DDHD1: variants seen among roughly 807,000 people sequenced by gnomAD.
DDHD1 encodes DDHD domain containing 1, also known as phospholipase DDHD1.
Under a neutral mutation model 96.4 loss-of-function variants are expected in DDHD1, and 49 were observed. The ratio of observed to expected loss-of-function variants is 0.51; its 90% CI spans 0.40 to 0.64. The LOEUF (loss-of-function observed/expected upper bound fraction) is 0.64. Among genes scored for constraint, DDHD1 ranks in the 30% least tolerant of loss-of-function variants. The pLI is 0.00. For synonymous variants in DDHD1, 442 were observed against 446.5 expected (o/e 0.99, Z 0.13); for missense variants, 1,106 against 1,161.2 (o/e 0.95, Z 0.69).
chr14:53,068,243 C>CTTTTTTTTTT (rs55662153), intron 6 of DDHD1, among the ~76,000 whole-genome samples: 7 of 104,442 alleles, frequency 6.7e-5, no homozygotes, highest in Non-Finnish European at 8.9e-5. Context: ...CTTTATGATA[C>CTTTTTTTTTT]TTTTTTTTTT....
intron 4 of DDHD1, among the ~76,000 whole-genome samples, chr14:53,076,895 T>C (rs1272657483): frequency 1.3e-5 from 2 of 152,238 alleles, no homozygotes; most frequent in Admixed American, 6.5e-5. Context: ...AAAGACATTA[T>C]GCTATCACAT....
At chr14:53,077,261 G>C (rs745828077) in intron 4 of DDHD1, among the ~76,000 whole-genome samples, 5 of 152,166 alleles carry the variant, frequency 3.3e-5, no homozygotes, top group African/African-American at 4.8e-5. Flanking sequence ...AGCAGTTACT[G>C]ATGATCATTG....
At chr14:53,080,129 G>A (rs1226308392) in intron 4 of DDHD1, among the ~76,000 whole-genome samples, 3 of 152,220 alleles carry the variant, frequency 2.0e-5, no homozygotes, top group Non-Finnish European at 2.9e-5. Context: ...GGAGGCCAAG[G>A]CAGGCAGATC....
chr14:53,051,999 G>T, intron 11 of DDHD1, 72 bp from the exon 12 acceptor site: 3 of 1,099,594 alleles, frequency 2.7e-6, no homozygotes, highest in Non-Finnish European at 4.0e-6. Flanking sequence ...TGATGTAGTG[G>T]CCAAAAGTTA....
Position 53,040,789 on chromosome 14 carries a change from T to A in DDHD1, c.*5979A>T, listed in dbSNP as rs913879632. The A allele has an allele frequency of 6.6e-6, 1 of 151,676 alleles. No homozygotes were observed. Among genetic ancestry groups the A allele is most frequent in the East Asian group, 1.9e-4 (1 of 5,172 alleles). 9.4% of individuals were successfully genotyped at this position (151,676 alleles called of 1,614,324 possible). A position where few individuals can be genotyped will look rare whatever the true frequency, so the allele number is the denominator to read the frequency against. On this transcript the variant is annotated 3_prime_UTR_variant, in exon 13 of 13. Coordinates refer to ENST00000673822, the MANE Select transcript of DDHD1 (RefSeq NM_001160148.2). The stretch of plus-strand genomic sequence containing the variant: ...AAAGAAAAAGCCTGCCTTCAAAGAG[T>A]TGTGATTGCAGTCATTGACAACATT...
chr14:53,062,398 G>A (rs1361178136), intron 7 of DDHD1, among the ~76,000 whole-genome samples: 2 of 152,090 alleles, frequency 1.3e-5, no homozygotes, highest in Non-Finnish European at 2.9e-5. Context: ...TGTAACTAGA[G>A]ATGAAGATAG....
chr14:53,123,866 T>G (rs1889210447), intron 1 of DDHD1, among the ~76,000 whole-genome samples: 1 of 152,174 alleles, frequency 6.6e-6, no homozygotes, highest in Admixed American at 6.5e-5. Context: ...TTTTTTTACA[T>G]GTTTGAAATA....
intron 4 of DDHD1, among the ~76,000 whole-genome samples, chr14:53,082,291 T>C (rs1167960306): frequency 6.6e-6 from 1 of 152,104 alleles, no homozygotes; most frequent in Non-Finnish European, 1.5e-5. Context: ...GATCATTAAA[T>C]AGCTGTAAAA....
chr14:53,046,962 G>T lies in DDHD1; in HGVS notation c.2522-13C>A, dbSNP rs371586111. 4.4e-6 allele frequency: 7 copies of T among 1,589,882 alleles called. No individual in the cohort carries two copies. The highest frequency in any genetic ancestry group is 5.1e-6 in the Non-Finnish European group (6 of 1,169,302). On this transcript the variant is annotated splice_polypyrimidine_tract_variant and intron_variant, in intron 12 of 12. Coordinates refer to ENST00000673822, the MANE Select transcript of DDHD1 (RefSeq NM_001160148.2). ...TGATCCAACTCCACTAAAAAGAAAA[G>T]AAGTTAAACAAATGAATACAGATTA...
intron 8 of DDHD1, among the ~76,000 whole-genome samples, chr14:53,060,706 G>C (rs1336380214): frequency 6.6e-6 from 1 of 152,102 alleles, no homozygotes; most frequent in Non-Finnish European, 1.5e-5. Context: ...GATGTTTCTT[G>C]AGGTATATGA....
chr14:53,129,616 G>T (rs771260387), intron 1 of DDHD1, among the ~76,000 whole-genome samples: 12 of 152,184 alleles, frequency 7.9e-5, no homozygotes, highest in East Asian at 1.9e-4. Context: ...TTCCCTGGGA[G>T]GCAAGCACCA....
At chr14:53,065,114 T>C (rs1430402848) in intron 6 of DDHD1, among the ~76,000 whole-genome samples, 2 of 152,176 alleles carry the variant, frequency 1.3e-5, no homozygotes, top group African/African-American at 2.4e-5. Flanking sequence ...CAGTAAGCAC[T>C]GGATAGCTTT....
chr14:53,103,924 C>T (rs1887500025), intron 1 of DDHD1, 68 bp from the exon 2 acceptor site: 1 of 1,415,660 alleles, frequency 7.1e-7, no homozygotes, highest in Non-Finnish European at 9.4e-7. Flanking sequence ...GACACAGTAT[C>T]TACAATCTTA....
intron 6 of DDHD1, among the ~76,000 whole-genome samples, chr14:53,065,894 A>C (rs1173071675): frequency 6.6e-6 from 1 of 152,154 alleles, no homozygotes; most frequent in Non-Finnish European, 1.5e-5. Flanking sequence ...ACTGACCTTT[A>C]CTTTTTAGAG....
rs375480208 is a variant in DDHD1 at position 53,152,791 on chromosome 14, T to C, written c.308A>G (p.Tyr103Cys). 4.1e-5 allele frequency: 66 copies of C among 1,607,694 alleles called. No homozygotes were observed. Among genetic ancestry groups the C allele is most frequent in the Non-Finnish European group, 5.2e-5 (61 of 1,178,330 alleles). Residue 103 changes from tyrosine to cysteine, a missense_variant, in exon 1 of 13, where the codon TAC (tyrosine) becomes TGC (cysteine). Coordinates refer to ENST00000673822, the MANE Select transcript of DDHD1 (RefSeq NM_001160148.2). ...GCCGCCGCCGCTCTCACCCTCGCTG[T>C]AGTAGCGCAGCGAGGAGCCCGACTC... ...SAESGSSLRYYSEGESGGGGS... is the reference protein window; with the variant it reads ...SAESGSSLRYCSEGESGGGGS...
intron 1 of DDHD1, among the ~76,000 whole-genome samples, chr14:53,107,382 C>G (rs1166245170): frequency 2.0e-5 from 3 of 152,100 alleles, no homozygotes; most frequent in South Asian, 2.1e-4. Flanking sequence ...GACTAATGGA[C>G]CAGTGGCATA....
intron 1 of DDHD1, among the ~76,000 whole-genome samples, chr14:53,141,440 A>G (rs1890634814): frequency 6.6e-6 from 1 of 152,230 alleles, no homozygotes; most frequent in Non-Finnish European, 1.5e-5. Flanking sequence ...AATTTCTTCT[A>G]TTAAAGAGGA....
chr14:53,053,266 A>T (rs1351966784), intron 11 of DDHD1: 2 of 152,098 alleles, frequency 1.3e-5, no homozygotes, highest in East Asian at 3.8e-4. Context: ...CACATTTTTG[A>T]TATTAAGTAG....
chr14:53,130,388 C>T (rs995029239), intron 1 of DDHD1, among the ~76,000 whole-genome samples: 1 of 152,192 alleles, frequency 6.6e-6, no homozygotes, highest in Non-Finnish European at 1.5e-5. Context: ...AGTTCATGGC[C>T]CATTTGTTAA....
Sources: allele counts gnomAD v4.1 joint callset (sites outside exome capture counted in the v4.1 genomes callset), GRCh38; gene constraint gnomAD v4.1.1; transcripts MANE v1.5; gene names NCBI Gene and HGNC (gene_info 2026-07-23, HGNC 2026-07-21).